CNTN4: variants seen among roughly 807,000 people sequenced by gnomAD.
The protein encoded by CNTN4 is contactin 4.
In CNTN4, 77 loss-of-function variants were observed where a neutral mutation model predicts 122.5. The observed-to-expected ratio is 0.63, with a 90% confidence interval of 0.52 to 0.76. CNTN4 has a LOEUF of 0.76. Among genes scored for constraint, CNTN4 ranks in the 30% least tolerant of loss-of-function variants. The pLI, the probability that CNTN4 is intolerant of heterozygous loss-of-function variation, is 0.00. For missense variants in CNTN4, 1,256 were observed against 1,259.1 expected (o/e 1.00, Z 0.04); for synonymous variants, 512 against 447.0 (o/e 1.15, Z -1.83).
intron 3 of CNTN4, among the ~76,000 whole-genome samples, chr3:2,353,771 C>T (rs1424855090): frequency 2.6e-5 from 4 of 152,042 alleles, no homozygotes; most frequent in Admixed American, 6.6e-5. Context: ...TGGTGGCGGG[C>T]GCCTGTGGTC....
At chr3:2,487,336 T>A (rs529889904) in intron 3 of CNTN4, among the ~76,000 whole-genome samples, 1 of 152,316 alleles carries the variant, frequency 6.6e-6, no homozygotes. Flanking sequence ...AGGGTTATTG[T>A]TTAAACTTAA....
chr3:2,588,541 A>G (rs2080313741), intron 4 of CNTN4, among the ~76,000 whole-genome samples: 1 of 151,914 alleles, frequency 6.6e-6, no homozygotes, highest in Non-Finnish European at 1.5e-5. Context: ...AATTTTTTGT[A>G]CTTTTAGTAG....
intron 14 of CNTN4, among the ~76,000 whole-genome samples, chr3:3,015,803 G>A (rs186300023): frequency 9.0e-4 from 137 of 152,294 alleles, no homozygotes; most frequent in Admixed American, 7.3e-3. Flanking sequence ...GCCTCAAGGT[G>A]TACATTTCCT....
At chr3:2,247,697 G>A (rs1282442395) in intron 2 of CNTN4, among the ~76,000 whole-genome samples, 1 of 151,922 alleles carries the variant, frequency 6.6e-6, no homozygotes, top group African/African-American at 2.4e-5. Flanking sequence ...TATTATTTGA[G>A]CGACAGCAGT....
chr3:2,847,761 C>A (rs2093479160), intron 7 of CNTN4, among the ~76,000 whole-genome samples: 2 of 152,190 alleles, frequency 1.3e-5, no homozygotes, highest in Admixed American at 1.3e-4. Context: ...CTTTGCTCCT[C>A]TCCTGAATGT....
intron 4 of CNTN4, among the ~76,000 whole-genome samples, chr3:2,703,907 G>GA (rs1576503860): frequency 6.6e-6 from 1 of 151,982 alleles, no homozygotes; most frequent in South Asian, 2.1e-4. Context: ...AAGAAAGCAG[G>GA]AAAAAGGAAA....
At chr3:2,438,457 G>C (rs1303781342) in intron 3 of CNTN4, among the ~76,000 whole-genome samples, 1 of 152,152 alleles carries the variant, frequency 6.6e-6, no homozygotes, top group Non-Finnish European at 1.5e-5. Context: ...GGGAAGTGGA[G>C]GTTGCAGTGA....
chr3:2,272,227 G>T (rs1356277663), intron 2 of CNTN4, among the ~76,000 whole-genome samples: 2 of 151,894 alleles, frequency 1.3e-5, no homozygotes, highest in Non-Finnish European at 2.9e-5. Flanking sequence ...AAGCAAAATA[G>T]AAAATTAGGT....
rs1036770102 is a variant in CNTN4, at chr3:2,902,809, G to C, written c.1078-67G>C. 5.6e-5 allele frequency: 86 copies of C among 1,534,400 alleles called. No individual in the cohort carries two copies. In the African/African-American group the frequency reaches 9.8e-4, roughly 17 times the overall value. On this transcript the variant is annotated intron_variant, in intron 11 of 24. Transcript: ENST00000418658. Reference sequence around the variant, plus strand: ...ATTAAGCTTCCTTGATATTACACATGGTAAAATTGCCTTAAAGTCTCAGTT... The same window carrying C: ...ATTAAGCTTCCTTGATATTACACATCGTAAAATTGCCTTAAAGTCTCAGTT...
intron 6 of CNTN4, among the ~76,000 whole-genome samples, chr3:2,818,073 G>C (rs769442989): frequency 1.1e-4 from 17 of 152,160 alleles, no homozygotes; most frequent in Non-Finnish European, 2.5e-4. Context: ...GCAGTCTTTG[G>C]TTTGCTCTGA....
chr3:2,990,637 C>A (rs964361454), intron 14 of CNTN4, among the ~76,000 whole-genome samples: 3 of 152,214 alleles, frequency 2.0e-5, no homozygotes, highest in East Asian at 1.9e-4. Flanking sequence ...CGTTCCCAAC[C>A]AACTGTGCAG....
At chr3:2,358,440 G>A (rs113057831) in intron 3 of CNTN4, among the ~76,000 whole-genome samples, 295 of 151,844 alleles carry the variant, frequency 1.9e-3, no homozygotes, top group African/African-American at 5.2e-3. Context: ...TTAAGCGATA[G>A]CAAAATGATA....
At chr3:2,299,925 A>G (rs768233064) in intron 2 of CNTN4, among the ~76,000 whole-genome samples, 5 of 152,202 alleles carry the variant, frequency 3.3e-5, no homozygotes, top group Non-Finnish European at 5.9e-5. Context: ...ATATGAATTT[A>G]TCTTATTTTA....
chr3:2,601,892 C>A (rs1226729189), intron 4 of CNTN4, among the ~76,000 whole-genome samples: 2 of 152,104 alleles, frequency 1.3e-5, no homozygotes, highest in Non-Finnish European at 2.9e-5. Flanking sequence ...AGCTTATCCA[C>A]CAAGATCAAG....
intron 4 of CNTN4, among the ~76,000 whole-genome samples, chr3:2,675,215 C>G (rs899731113): frequency 1.3e-5 from 2 of 152,062 alleles, no homozygotes; most frequent in African/African-American, 4.8e-5. Context: ...TCTGGCCCTT[C>G]CTGCCTCTCC....
chr3:2,548,260 C>A (rs972134415), intron 3 of CNTN4, among the ~76,000 whole-genome samples: 4 of 152,134 alleles, frequency 2.6e-5, no homozygotes, highest in African/African-American at 9.7e-5. Flanking sequence ...ATGCCTATCT[C>A]CTCAATGGTA....
chr3:2,852,599 A>G (rs533904413), intron 7 of CNTN4, among the ~76,000 whole-genome samples: 70 of 151,990 alleles, frequency 4.6e-4, no homozygotes, highest in Non-Finnish European at 8.1e-4. Context: ...TGATCCCCCA[A>G]CCCTCCTATG....
At chr3:2,982,594 CCAAATTTAG>C (rs1443339807) in intron 13 of CNTN4, among the ~76,000 whole-genome samples, 2 of 152,118 alleles carry the variant, frequency 1.3e-5, no homozygotes, top group Admixed American at 6.5e-5. Flanking sequence ...TTCCCATCTT[CCAAATTTAG>C]CAATCCCAGC....
intron 2 of CNTN4, among the ~76,000 whole-genome samples, chr3:2,101,565 T>G (rs2125081324): frequency 6.6e-6 from 1 of 152,308 alleles, no homozygotes; most frequent in East Asian, 1.9e-4. Flanking sequence ...TTTTTGTTCC[T>G]TTTTGTTCAT....
Sources: gnomAD v4.1 joint callset for allele counts (sites outside exome capture counted in the v4.1 genomes callset) on GRCh38, gnomAD v4.1.1 for gene constraint, MANE v1.5 for transcripts, NCBI Gene and HGNC (gene_info 2026-07-23, HGNC 2026-07-21) for gene names.